The following AP2B1 variants were observed in gnomAD, a reference collection of about 807,000 sequenced individuals.
AP2B1 encodes the protein AP-2 complex subunit beta.
Under a neutral mutation model 102.0 loss-of-function variants are expected in AP2B1, and 23 were observed. The ratio of observed to expected loss-of-function variants is 0.23; its 90% CI spans 0.16 to 0.32. AP2B1 has a LOEUF of 0.32. Among genes scored for constraint, AP2B1 ranks in the 10% least tolerant of loss-of-function variants. AP2B1 has a pLI of 1.00. For synonymous variants in AP2B1, 381 were observed against 421.2 expected, an observed-to-expected ratio of 0.90 and a Z score of 1.17; for missense variants, 541 against 1,157.4, an observed-to-expected ratio of 0.47 and a Z score of 7.73.
At chr17:35,603,523 T>C (rs1180720726) in intron 3 of AP2B1, among the ~76,000 whole-genome samples, 1 of 152,238 alleles carries the variant, frequency 6.6e-6, no homozygotes, top group Non-Finnish European at 1.5e-5. Context: ...ATTTGATTAC[T>C]CTCAAATTTT....
intron 9 of AP2B1, among the ~76,000 whole-genome samples, chr17:35,635,009 T>C (rs1419418380): frequency 6.6e-6 from 1 of 152,148 alleles, no homozygotes; most frequent in Non-Finnish European, 1.5e-5. Context: ...TATACAGTGA[T>C]TGGATGTCAC....
intron 13 of AP2B1, among the ~76,000 whole-genome samples, chr17:35,653,350 T>C (rs1224136533): frequency 6.6e-6 from 1 of 152,166 alleles, no homozygotes; most frequent in Non-Finnish European, 1.5e-5. Context: ...TTTACCACCA[T>C]CCTACACTGA....
chr17:35,680,161 G>A (rs2075786895), intron 17 of AP2B1, among the ~76,000 whole-genome samples: 1 of 152,078 alleles, frequency 6.6e-6, no homozygotes, highest in Non-Finnish European at 1.5e-5. Context: ...ACCAGCCTCG[G>A]CCTCCCAAAG....
chr17:35,620,202 A>G (rs2074134155), intron 5 of AP2B1, among the ~76,000 whole-genome samples: 1 of 151,946 alleles, frequency 6.6e-6, no homozygotes, highest in South Asian at 2.1e-4. Flanking sequence ...TAGGCCAGGT[A>G]CCTTATGGTG....
At chr17:35,639,459 A>C in intron 10 of AP2B1, 136 bp from the exon 11 acceptor site, 1 of 637,920 alleles carries the variant, frequency 1.6e-6, no homozygotes, top group Non-Finnish European at 2.6e-6. Flanking sequence ...AAACCTATTC[A>C]TTCTCTTGAC....
In AP2B1 at chr17:35,682,334, CTTTTTTT is replaced by C. The variant is rs587645888; in HGVS notation, c.2325-342_2325-336del. The stretch of plus-strand genomic sequence containing the variant: ...CCAAAGATATGGCAAAATCCTGCCT[CTTTTTTT>C]TTTTTTTTTTTTTTTTTTGAGATGG... On this transcript the variant is annotated intron_variant, in intron 17 of 21. Coordinates refer to ENST00000610402, the MANE Select transcript of AP2B1 (RefSeq NM_001030006.2). Among the ~76,000 whole-genome samples the C allele has an allele frequency of 8.3e-5, 6 of 72,056 alleles. No individual in the cohort carries two copies. In the South Asian group the frequency reaches 2.9e-3, roughly 35 times the overall value. 47.3% of individuals were successfully genotyped at this position (72,056 alleles called of 152,430 possible).
chr17:35,588,608 A>G (rs979996359), intron 1 of AP2B1: 4 of 152,270 alleles, frequency 2.6e-5, no homozygotes, highest in African/African-American at 7.2e-5. Context: ...CCTTCCTTGT[A>G]TACTTCAATT....
chr17:35,692,176 C>T (rs2076054990), intron 18 of AP2B1, among the ~76,000 whole-genome samples: 1 of 152,180 alleles, frequency 6.6e-6, no homozygotes, highest in African/African-American at 2.4e-5. Flanking sequence ...AGAAATCTGT[C>T]CTCAAAGTCA....
intron 11 of AP2B1, among the ~76,000 whole-genome samples, chr17:35,640,339 C>T (rs1255158393): frequency 6.6e-6 from 1 of 150,654 alleles, no homozygotes; most frequent in Non-Finnish European, 1.5e-5. Flanking sequence ...TAGGTTCAGG[C>T]GATTCTCCCA....
intron 2 of AP2B1, among the ~76,000 whole-genome samples, chr17:35,595,986 T>A (rs1453519987): frequency 6.6e-6 from 1 of 151,996 alleles, no homozygotes; most frequent in Non-Finnish European, 1.5e-5. Flanking sequence ...GGTGACCTTT[T>A]TTTAATTCAG....
Position 35,624,377 on chromosome 17 carries a change from CAT to C in AP2B1, c.526-18_526-17del. ...TGTGCTGTTCTTGGTGAATCAAGGT[CAT>C]ACCCCCTTCTTTTCCAGGTGGTGGC... On this transcript the variant is annotated intron_variant, in intron 5 of 21. Transcript: ENST00000610402. The C allele has an allele frequency of 6.2e-7, 1 of 1,612,902 alleles. No individual in the cohort carries two copies. The highest frequency in any genetic ancestry group is 8.5e-7 in the Non-Finnish European group (1 of 1,179,326).
chr17:35,667,792 A>G (rs185104925), intron 14 of AP2B1, among the ~76,000 whole-genome samples: 1 of 152,288 alleles, frequency 6.6e-6, no homozygotes, highest in Non-Finnish European at 1.5e-5. Context: ...ATCTTGGATT[A>G]TAAGCCTAGC....
chr17:35,615,048 T>A (rs1472898512), intron 5 of AP2B1, among the ~76,000 whole-genome samples: 1 of 152,144 alleles, frequency 6.6e-6, no homozygotes, highest in African/African-American at 2.4e-5. Context: ...TTCAACATCC[T>A]TCAGTGTACA....
intron 14 of AP2B1, among the ~76,000 whole-genome samples, chr17:35,658,915 T>C (rs945326515): frequency 4.6e-5 from 7 of 152,208 alleles, no homozygotes; most frequent in African/African-American, 1.7e-4. Flanking sequence ...GGTTGTGCAT[T>C]TTACTAATGG....
chr17:35,657,548 A>G (rs2075260933), intron 13 of AP2B1, 51 bp from the exon 14 acceptor site: 1 of 1,494,656 alleles, frequency 6.7e-7, no homozygotes, highest in African/African-American at 1.4e-5. Context: ...GTTATGTCCT[A>G]GGTGAAACTG....
chr17:35,676,468 A>G (rs920036563), intron 17 of AP2B1, among the ~76,000 whole-genome samples: 1 of 152,162 alleles, frequency 6.6e-6, no homozygotes, highest in South Asian at 2.1e-4. Context: ...TTTTGTTGTT[A>G]AGTAATACTC....
chr17:35,603,455 A>G (rs1012665295), intron 3 of AP2B1, among the ~76,000 whole-genome samples: 5 of 152,224 alleles, frequency 3.3e-5, no homozygotes, highest in African/African-American at 1.2e-4. Flanking sequence ...TGTGGCTTAT[A>G]GGAGAATGGT....
At chr17:35,668,237 T>C (rs2142938651) in intron 14 of AP2B1, among the ~76,000 whole-genome samples, 1 of 152,182 alleles carries the variant, frequency 6.6e-6, no homozygotes, top group South Asian at 2.1e-4. Context: ...ACGCCCGGCC[T>C]CTCTGCTCAA....
chr17:35,624,666 T>C, intron 6 of AP2B1, 79 bp downstream of exon 6: 1 of 1,393,596 alleles, frequency 7.2e-7, no homozygotes, highest in African/African-American at 1.4e-5. Context: ...AGAATAAATC[T>C]GTTGAGGAAG....
Sources: allele counts gnomAD v4.1 joint callset (sites outside exome capture counted in the v4.1 genomes callset), GRCh38; gene constraint gnomAD v4.1.1; transcripts MANE v1.5; gene names NCBI Gene and HGNC (gene_info 2026-07-23, HGNC 2026-07-21).